FBXL17: variants seen among roughly 807,000 people sequenced by gnomAD.
FBXL17 encodes the protein F-box/LRR-repeat protein 17.
In FBXL17, 22 loss-of-function variants were observed where a neutral mutation model predicts 66.2. The ratio of observed to expected loss-of-function variants is 0.33; its 90% CI spans 0.24 to 0.47. The LOEUF (loss-of-function observed/expected upper bound fraction) is 0.47, where lower values mean the gene tolerates loss of function less well. Ranked by LOEUF, FBXL17 falls within the 20% of genes least tolerant of loss-of-function variation. The pLI is 1.00. For missense variants in FBXL17, 878 were observed against 948.2 expected, an observed-to-expected ratio of 0.93 and a Z score of 0.97; for synonymous variants, 474 against 400.5, an observed-to-expected ratio of 1.18 and a Z score of -2.19.
chr5:108,193,138 T>C (rs1580590074), intron 5 of FBXL17, among the ~76,000 whole-genome samples: 1 of 152,176 alleles, frequency 6.6e-6, no homozygotes. Context: ...TTCTAAGTAA[T>C]TGTAATGTTT....
rs531227549 is a variant in FBXL17 at position 107,921,827 on chromosome 5, A to T, written c.1823-40648T>A. On this transcript the variant is annotated intron_variant, in intron 7 of 8. Coordinates refer to ENST00000542267, the MANE Select transcript of FBXL17 (RefSeq NM_001163315.3). ...AACCTGGTTTGACCCAGGTTTACTG[A>T]ATCCTGATTCCATTTCAATGACTAT... 3.3e-5 allele frequency among the ~76,000 whole-genome samples: 5 copies of T among 152,298 alleles called. No homozygotes were observed. In the East Asian group the frequency reaches 9.7e-4, roughly 29 times the overall value.
chr5:107,971,866 C>A (rs926044524), intron 7 of FBXL17, among the ~76,000 whole-genome samples: 1 of 152,182 alleles, frequency 6.6e-6, no homozygotes, highest in African/African-American at 2.4e-5. Flanking sequence ...ACTCCTCACC[C>A]CAATTCTGTA....
At chr5:108,274,058 GA>G (rs1173446117) in intron 4 of FBXL17, among the ~76,000 whole-genome samples, 1 of 152,056 alleles carries the variant, frequency 6.6e-6, no homozygotes, top group Non-Finnish European at 1.5e-5. Context: ...AAGAAAGAAT[GA>G]AAAATAATTA....
In FBXL17 at chr5:108,049,530, C is replaced by G. The variant is rs143707508; in HGVS notation, c.1746-28529G>C. Among the ~76,000 whole-genome samples, 83 of 152,196 alleles carry G rather than the reference C, an allele frequency of 5.5e-4. No individual in the cohort carries two copies. The Middle Eastern group carries it at 0.01, about 19-fold the overall frequency. ...ATAAATAATATCCTTTCCAGACAAG[C>G]AAATGCTGAGGGATTTTGTCACCAC... On this transcript the variant is annotated intron_variant, in intron 6 of 8. Transcript: ENST00000542267.
chr5:108,116,757 C>A (rs542300935), intron 6 of FBXL17, among the ~76,000 whole-genome samples: 1 of 147,194 alleles, frequency 6.8e-6, no homozygotes, highest in East Asian at 2.0e-4. Flanking sequence ...CACATAATTT[C>A]TTATCACTCA....
intron 6 of FBXL17, among the ~76,000 whole-genome samples, chr5:108,087,192 G>A (rs894084242): frequency 2.6e-5 from 4 of 152,140 alleles, no homozygotes; most frequent in East Asian, 1.9e-4. Flanking sequence ...TGGTAAGTGC[G>A]AGTTGTTGCT....
intron 4 of FBXL17, among the ~76,000 whole-genome samples, chr5:108,273,129 C>T (rs1757343806): frequency 6.6e-6 from 1 of 152,166 alleles, no homozygotes; most frequent in African/African-American, 2.4e-5. Flanking sequence ...GGGTCACAGA[C>T]ATCAAGTACT....
intron 7 of FBXL17, among the ~76,000 whole-genome samples, chr5:107,993,930 A>G (rs1015745661): frequency 1.3e-5 from 2 of 152,206 alleles, no homozygotes; most frequent in African/African-American, 4.8e-5. Context: ...TTTTTTAAGA[A>G]TATACATTCC....
At chr5:108,014,141 G>T (rs1040434561) in intron 7 of FBXL17, among the ~76,000 whole-genome samples, 1 of 151,980 alleles carries the variant, frequency 6.6e-6, no homozygotes. Flanking sequence ...TATATGATTT[G>T]GGACTAATTT....
chr5:108,048,892 T>C (rs1334780262), intron 6 of FBXL17, among the ~76,000 whole-genome samples: 3 of 152,134 alleles, frequency 2.0e-5, no homozygotes, highest in African/African-American at 7.2e-5. Flanking sequence ...CTTCAGTACA[T>C]TATCCAGGAG....
At chr5:108,295,615 T>C (rs1758314308) in intron 4 of FBXL17, among the ~76,000 whole-genome samples, 1 of 151,980 alleles carries the variant, frequency 6.6e-6, no homozygotes, top group Non-Finnish European at 1.5e-5. Flanking sequence ...AATCAGTTAC[T>C]GTTTTCAAAG....
At chr5:107,973,778 T>C (rs1047161119) in intron 7 of FBXL17, among the ~76,000 whole-genome samples, 1 of 151,750 alleles carries the variant, frequency 6.6e-6, no homozygotes, top group South Asian at 2.1e-4. Context: ...GCACCAGGAC[T>C]GAATCCTGAA....
chr5:107,883,176 T>C (rs1186994818), intron 7 of FBXL17, among the ~76,000 whole-genome samples: 13 of 152,190 alleles, frequency 8.5e-5, no homozygotes. Flanking sequence ...TTCAGGTGTA[T>C]TGTCAGATTT....
chr5:108,055,487 T>C (rs891879459), intron 6 of FBXL17, among the ~76,000 whole-genome samples: 7 of 150,136 alleles, frequency 4.7e-5, no homozygotes, highest in African/African-American at 1.7e-4. Context: ...TGGGCGCCTG[T>C]AGTCCCAGCT....
At chr5:108,369,898 A>C (rs1748915122) in intron 1 of FBXL17, among the ~76,000 whole-genome samples, 1 of 152,228 alleles carries the variant, frequency 6.6e-6, no homozygotes, top group African/African-American at 2.4e-5. Context: ...TATACATTTA[A>C]GAAAGATTAA....
intron 4 of FBXL17, among the ~76,000 whole-genome samples, chr5:108,310,319 A>G (rs527731533): frequency 7.2e-5 from 11 of 152,316 alleles, no homozygotes; most frequent in East Asian, 3.9e-4. Flanking sequence ...AATATTACAT[A>G]ATCAATGGAC....
At chr5:107,971,548 C>T (rs1163948086) in intron 7 of FBXL17, among the ~76,000 whole-genome samples, 2 of 152,054 alleles carry the variant, frequency 1.3e-5, no homozygotes, top group Non-Finnish European at 2.9e-5. Flanking sequence ...CTTGAGTGTT[C>T]GCCCCTGATT....
intron 5 of FBXL17, among the ~76,000 whole-genome samples, chr5:108,195,159 G>A (rs2150042605): frequency 6.6e-6 from 1 of 152,114 alleles, no homozygotes; most frequent in South Asian, 2.1e-4. Context: ...GGGGGTTGGA[G>A]GGGGCAATAA....
At chr5:108,337,561 G>A (rs1760447050) in intron 4 of FBXL17, among the ~76,000 whole-genome samples, 1 of 151,972 alleles carries the variant, frequency 6.6e-6, no homozygotes, top group Non-Finnish European at 1.5e-5. Flanking sequence ...ACTAAATACA[G>A]GAAGCTGACA....
Sources: gnomAD v4.1 joint callset for allele counts (sites outside exome capture counted in the v4.1 genomes callset) on GRCh38, gnomAD v4.1.1 for gene constraint, MANE v1.5 for transcripts, NCBI Gene and HGNC (gene_info 2026-07-23, HGNC 2026-07-21) for gene names.